The following FMO3 variants were observed in gnomAD, a reference collection of about 807,000 sequenced individuals.
FMO3 encodes flavin containing dimethylaniline monoxygenase 3, also known as flavin-containing monooxygenase 3.
Under a neutral mutation model 39.4 loss-of-function variants are expected in FMO3, and 40 were observed. The ratio of observed to expected loss-of-function variants is 1.02; its 90% CI spans 0.79 to 1.32. The LOEUF (loss-of-function observed/expected upper bound fraction) is 1.32. FMO3 is among the 40% of genes most tolerant of loss of function. FMO3 has a pLI of 0.00. For missense variants in FMO3, 680 were observed against 651.8 expected, an observed-to-expected ratio of 1.04 and a Z score of -0.47; for synonymous variants, 219 against 228.8, an observed-to-expected ratio of 0.96 and a Z score of 0.39.
chr1:171,104,838 C>T (rs1655568492), intron 3 of FMO3, among the ~76,000 whole-genome samples: 1 of 152,042 alleles, frequency 6.6e-6, no homozygotes, highest in African/African-American at 2.4e-5. Flanking sequence ...CACGCCACTG[C>T]ACTCCAGCCT....
Position 171,095,865 on chromosome 1 carries a change from A to T in FMO3, c.132+3075A>T, listed in dbSNP as rs866696051. On this transcript the variant is annotated intron_variant, in intron 2 of 8. Transcript: ENST00000367755. The stretch of plus-strand genomic sequence containing the variant: ...ACATATAATTATATATATAATATAA[A>T]TATATATAAAATATAATTATATTAT... Among the ~76,000 whole-genome samples the T allele has an allele frequency of 5.5e-3, 624 of 113,522 alleles. 6 individuals are homozygous for T. Among genetic ancestry groups the T allele is most frequent in the South Asian group, 0.036 (149 of 4,188 alleles). 74.5% of individuals were successfully genotyped at this position (113,522 alleles called of 152,430 possible). A position where few individuals can be genotyped will look rare whatever the true frequency, so the allele number is the denominator to read the frequency against.
chr1:171,103,140 T>G lies in FMO3; in HGVS notation c.133-645T>G, dbSNP rs563306280. Among the ~76,000 whole-genome samples the G allele has an allele frequency of 2.0e-5, 3 of 152,294 alleles. No individual in the cohort carries two copies. The South Asian group carries it at 6.2e-4, about 32-fold the overall frequency. On this transcript the variant is annotated intron_variant, in intron 2 of 8. Transcript: ENST00000367755. ...ACATTGAAATTATGCAAGGTTGAAT[T>G]TTGAAAAATCTCTGTCACCATATTT...
At chr1:171,092,447 T>C (rs1571195256) in intron 1 of FMO3, among the ~76,000 whole-genome samples, 1 of 152,066 alleles carries the variant, frequency 6.6e-6, no homozygotes, top group African/African-American at 2.4e-5. Flanking sequence ...TCCAGGCTGC[T>C]TTCAAACTCC....
rs1346177329 is a variant in FMO3, at chr1:171,107,822, A to G, written c.469A>G (p.Lys157Glu). The change falls in exon 4 of 9, where the codon AAA becomes GAA. Residue 157 changes from lysine to glutamate, a missense_variant. Lys to Glu is a moderately conservative substitution (Grantham distance 56). Transcript: ENST00000367755. The part of the protein sequence containing the change: ...SGHHVYPNLP[K>E]ESFPGLNHFK... ...ACATCATGTGTATCCCAACCTACCA[A>G]AAGAGTCCTTTCCAGGTAAGGCCAA... 2 of 1,613,892 alleles carry G rather than the reference A, an allele frequency of 1.2e-6. No homozygotes were observed. The highest frequency in any genetic ancestry group is 8.5e-7 in the Non-Finnish European group (1 of 1,179,934).
intron 2 of FMO3, among the ~76,000 whole-genome samples, chr1:171,098,414 A>G (rs1462019029): frequency 6.6e-6 from 1 of 152,134 alleles, no homozygotes; most frequent in Non-Finnish European, 1.5e-5. Flanking sequence ...GATTCTTCCT[A>G]TCCATGAGCA....
At chr1:171,110,650 A>G in intron 5 of FMO3, 148 bp from the exon 6 acceptor site, 1 of 756,228 alleles carries the variant, frequency 1.3e-6, no homozygotes, top group Non-Finnish European at 2.3e-6. Flanking sequence ...GCAATGGTCA[A>G]AAAGGACTGA....
intron 5 of FMO3, 87 bp from the exon 6 acceptor site, chr1:171,110,711 C>T: frequency 8.3e-7 from 1 of 1,203,582 alleles, no homozygotes; most frequent in African/African-American, 1.5e-5. Context: ...GGTAATAGAT[C>T]CATTCCTCAA....
intron 3 of FMO3, among the ~76,000 whole-genome samples, chr1:171,106,383 A>G (rs1403650025): frequency 6.6e-6 from 1 of 152,012 alleles, no homozygotes; most frequent in Non-Finnish European, 1.5e-5. Context: ...CAGGTGATCT[A>G]CCTGCCTCAC....
In FMO3 at chr1:171,108,113, C is replaced by T; in HGVS notation, c.519C>T (p.Ser173=). ...LNHFKGKCFH[S]RDYKEPGVFN... is the part of the protein sequence containing the mutation. ...ACTTTAAAGGCAAATGCTTCCACAGCAGGGACTATAAAGAACCAGGTGTAT... is the reference window on the plus strand; with the variant it reads ...ACTTTAAAGGCAAATGCTTCCACAGTAGGGACTATAAAGAACCAGGTGTAT... The change falls in exon 5 of 9, where the codon AGC becomes AGT. Residue 173 remains serine (S), a synonymous_variant. Coordinates refer to ENST00000367755, the MANE Select transcript of FMO3 (RefSeq NM_001002294.3). 6.2e-7 allele frequency: 1 copy of T among 1,613,842 alleles called. No homozygotes were observed. Among genetic ancestry groups the T allele is most frequent in the Non-Finnish European group, 8.5e-7 (1 of 1,179,868 alleles).
At chr1:171,104,216 G>T (rs964880967) in intron 3 of FMO3, among the ~76,000 whole-genome samples, 1 of 151,802 alleles carries the variant, frequency 6.6e-6, no homozygotes, top group African/African-American at 2.4e-5. Flanking sequence ...CAATACCAAA[G>T]AAATAAATAT....
chr1:171,102,196 G>C (rs943976743), intron 2 of FMO3, among the ~76,000 whole-genome samples: 3 of 152,104 alleles, frequency 2.0e-5, no homozygotes, highest in African/African-American at 7.2e-5. Flanking sequence ...CTTTTGACGT[G>C]ATTGTAATAT....
intron 7 of FMO3, 123 bp from the exon 8 acceptor site, chr1:171,116,085 G>A (rs1656135358): frequency 1.5e-6 from 1 of 686,288 alleles, no homozygotes; most frequent in Non-Finnish European, 2.7e-6. Context: ...AACTGAATTT[G>A]GTGTCTGTCT....
At chr1:171,102,180 C>T (rs962677990) in intron 2 of FMO3, among the ~76,000 whole-genome samples, 4 of 152,192 alleles carry the variant, frequency 2.6e-5, no homozygotes, top group Admixed American at 6.5e-5. Context: ...ACTGCAGCCA[C>T]ATTGGCTTTT....
chr1:171,108,135 G>C lies in FMO3; in HGVS notation c.541G>C (p.Val181Leu). ...CAGCAGGGACTATAAAGAACCAGGT[G>C]TATTCAATGGAAAGCGTGTCCTGGT... ...FHSRDYKEPGVFNGKRVLVVG... is the reference protein window; with the variant it reads ...FHSRDYKEPGLFNGKRVLVVG... The change falls in exon 5 of 9, where the codon GTA becomes CTA. Residue 181 changes from valine (V) to leucine (L), a missense_variant. Val to Leu is a conservative substitution (Grantham distance 32). Transcript: ENST00000367755. 6.2e-7 allele frequency: 1 copy of C among 1,613,880 alleles called. No homozygotes were observed. Among genetic ancestry groups the C allele is most frequent in the Non-Finnish European group, 8.5e-7 (1 of 1,179,862 alleles).
chr1:171,113,336 TG>T, intron 6 of FMO3, among the ~76,000 whole-genome samples: 1 of 152,278 alleles, frequency 6.6e-6, no homozygotes, highest in South Asian at 2.1e-4. Flanking sequence ...AATTCCTGGG[TG>T]CTCCCTCCTT....
intron 5 of FMO3, 98 bp downstream of exon 5, chr1:171,108,319 T>G: frequency 1.0e-5 from 14 of 1,385,316 alleles, no homozygotes; most frequent in African/African-American, 2.8e-5. Context: ...GAGGGAAGGG[T>G]ATCTGATGTA....
At chr1:171,094,728 G>A (rs1393679102) in intron 2 of FMO3, among the ~76,000 whole-genome samples, 2 of 152,112 alleles carry the variant, frequency 1.3e-5, no homozygotes, top group Non-Finnish European at 2.9e-5. Context: ...TGTCAACTTT[G>A]CTGAAGATCA....
At chr1:171,113,833 A>G (rs1396071763) in intron 6 of FMO3, among the ~76,000 whole-genome samples, 174 bp from the exon 7 acceptor site, 1 of 152,176 alleles carries the variant, frequency 6.6e-6, no homozygotes, top group Admixed American at 6.5e-5. Flanking sequence ...AACTTCTCTT[A>G]CTTCCCAATG....
Position 171,117,159 on chromosome 1 carries a change from C to G in FMO3, c.1316C>G (p.Ser439Cys). The G allele has an allele frequency of 6.2e-7, 1 of 1,614,210 alleles. No homozygotes were observed. The highest frequency in any genetic ancestry group is 8.5e-7 in the Non-Finnish European group (1 of 1,180,022). ...DYIVYMDELSSFIGAKPNIPW... is the reference protein window; with the variant it reads ...DYIVYMDELSCFIGAKPNIPW... ...ATTGTTTATATGGATGAACTCTCCTCCTTCATTGGGGCAAAGCCCAACATC... is the reference window on the plus strand; with the variant it reads ...ATTGTTTATATGGATGAACTCTCCTGCTTCATTGGGGCAAAGCCCAACATC... Residue 439 changes from serine to cysteine, a missense_variant, in exon 9 of 9, where the codon TCC becomes TGC. Ser to Cys is a moderately radical substitution (Grantham distance 112, BLOSUM62 -1). Transcript: ENST00000367755.
Sources: gnomAD v4.1 joint callset for allele counts (sites outside exome capture counted in the v4.1 genomes callset) on GRCh38, gnomAD v4.1.1 for gene constraint, MANE v1.5 for transcripts, NCBI Gene and HGNC (gene_info 2026-07-23, HGNC 2026-07-21) for gene names.